The following NGF variants were observed in gnomAD, a reference collection of about 807,000 sequenced individuals.
The protein encoded by NGF is nerve growth factor, also known as beta-nerve growth factor.
A neutral mutation model predicts 12.8 loss-of-function variants in NGF; 4 were observed. That is an observed-to-expected ratio of 0.31 (90% CI 0.15 to 0.72). NGF has a LOEUF of 0.72. NGF is among the 30% of genes least tolerant of loss of function. The pLI is 0.69. For missense variants in NGF, 283 were observed against 330.8 expected (o/e 0.86, Z 1.12); for synonymous variants, 140 against 130.0 (o/e 1.08, Z -0.52).
chr1:115,295,489 G>A (rs927217174), intron 1 of NGF, among the ~76,000 whole-genome samples: 1 of 152,126 alleles, frequency 6.6e-6, no homozygotes, highest in African/African-American at 2.4e-5. Flanking sequence ...TGTCCCCAGG[G>A]TAAGAGGTGG....
intron 1 of NGF, among the ~76,000 whole-genome samples, chr1:115,330,984 C>A (rs141088364): frequency 3.0e-4 from 46 of 152,224 alleles, no homozygotes; most frequent in East Asian, 1.4e-3. Flanking sequence ...CGGGGAGAAG[C>A]AAGAAGAGGG....
At chr1:115,303,091 C>T (rs2101034656) in intron 1 of NGF, among the ~76,000 whole-genome samples, 1 of 152,136 alleles carries the variant, frequency 6.6e-6, no homozygotes, top group African/African-American at 2.4e-5. Flanking sequence ...TAAAAAACCC[C>T]AACAAACAAA....
intron 1 of NGF, among the ~76,000 whole-genome samples, chr1:115,337,380 G>T (rs1420274088): frequency 7.1e-6 from 1 of 141,058 alleles, no homozygotes; most frequent in South Asian, 2.3e-4. Context: ...CCTGACCCCT[G>T]AGTCCTCTCT....
intron 1 of NGF, among the ~76,000 whole-genome samples, chr1:115,314,189 T>G (rs1654409648): frequency 6.6e-6 from 1 of 152,228 alleles, no homozygotes; most frequent in African/African-American, 2.4e-5. Context: ...TACACGGTTC[T>G]GTGACACATG....
intron 1 of NGF, among the ~76,000 whole-genome samples, chr1:115,324,041 A>G (rs922562100): frequency 6.6e-5 from 10 of 152,144 alleles, no homozygotes; most frequent in African/African-American, 1.7e-4. Flanking sequence ...TGCTCGCTTC[A>G]TCTCCCTTAA....
chr1:115,287,506 G>A (rs1354831657), intron 2 of NGF, among the ~76,000 whole-genome samples: 1 of 152,182 alleles, frequency 6.6e-6, no homozygotes, highest in African/African-American at 2.4e-5. Context: ...TTTGTGTGAT[G>A]TTTTTAAAAT....
At chr1:115,313,378 A>G (rs1654386268) in intron 1 of NGF, among the ~76,000 whole-genome samples, 1 of 152,176 alleles carries the variant, frequency 6.6e-6, no homozygotes, top group South Asian at 2.1e-4. Flanking sequence ...GGGCTTGATG[A>G]ATTCTCAGCA....
At chr1:115,325,264 C>T (rs58749257) in intron 1 of NGF, among the ~76,000 whole-genome samples, 3,571 of 152,174 alleles carry the variant, frequency 0.023, 124 homozygotes, top group African/African-American at 0.082. Flanking sequence ...ACAACCACAA[C>T]GGGAGGAGCG....
At chr1:115,291,759 A>C (rs1288805144) in intron 2 of NGF, among the ~76,000 whole-genome samples, 1 of 152,214 alleles carries the variant, frequency 6.6e-6, no homozygotes, top group Admixed American at 6.5e-5. Context: ...CCTCACCTGA[A>C]TAGGTGATGG....
At chr1:115,325,088 G>A (rs1436574744) in intron 1 of NGF, among the ~76,000 whole-genome samples, 1 of 152,170 alleles carries the variant, frequency 6.6e-6, no homozygotes, top group African/African-American at 2.4e-5. Context: ...AGATTAGAAT[G>A]ATCAAGAGGT....
chr1:115,318,443 G>A (rs908404486), intron 1 of NGF, among the ~76,000 whole-genome samples: 2 of 152,208 alleles, frequency 1.3e-5, no homozygotes, highest in Non-Finnish European at 2.9e-5. Context: ...CCAAGGCAGT[G>A]TCAGGAAAAG....
intron 2 of NGF, among the ~76,000 whole-genome samples, chr1:115,292,054 AG>A (rs1653718975): frequency 6.6e-6 from 1 of 152,090 alleles, no homozygotes; most frequent in Non-Finnish European, 1.5e-5. Flanking sequence ...GAGTGGGCCA[AG>A]GGTCATTTCT....
At chr1:115,326,781 CA>C (rs1280081752) in intron 1 of NGF, among the ~76,000 whole-genome samples, 21 of 152,184 alleles carry the variant, frequency 1.4e-4, no homozygotes, top group African/African-American at 4.8e-4. Context: ...CCAGAACCAG[CA>C]CGAGCACCTG....
chr1:115,316,767 G>A (rs1654484403), intron 1 of NGF, among the ~76,000 whole-genome samples: 1 of 152,036 alleles, frequency 6.6e-6, no homozygotes, highest in African/African-American at 2.4e-5. Context: ...TGCTTATCTA[G>A]AATTTTAAGA....
chr1:115,335,093 A>C (rs1180921863), intron 1 of NGF, among the ~76,000 whole-genome samples: 1 of 152,184 alleles, frequency 6.6e-6, no homozygotes, highest in Non-Finnish European at 1.5e-5. Flanking sequence ...GAGCAATGAA[A>C]ACATCACGAA....
intron 1 of NGF, among the ~76,000 whole-genome samples, chr1:115,333,693 C>CT (rs1203395146): frequency 3.3e-4 from 21 of 63,104 alleles, no homozygotes; most frequent in African/African-American, 1.8e-3. Context: ...TTCTTTCTTT[C>CT]TTTCTTTCTT....
intron 1 of NGF, among the ~76,000 whole-genome samples, chr1:115,332,886 C>G (rs1444746037): frequency 1.3e-5 from 2 of 152,184 alleles, no homozygotes; most frequent in Non-Finnish European, 2.9e-5. Flanking sequence ...TGGCATCACT[C>G]ATACACAATG....
intron 1 of NGF, among the ~76,000 whole-genome samples, chr1:115,296,593 C>T (rs1223254989): frequency 6.6e-6 from 1 of 152,204 alleles, no homozygotes; most frequent in African/African-American, 2.4e-5. Flanking sequence ...GCCAGGGTCT[C>T]CTGCCAATCT....
rs58345237 is a variant in NGF, at chr1:115,304,329, A to ATTTTTTTTTTTTTTTTTTTT, written c.-136-10580_-136-10579insAAAAAAAAAAAAAAAAAAAA. Among the ~76,000 whole-genome samples the ATTTTTTTTTTTTTTTTTTTT allele has an allele frequency of 1.0e-3, 81 of 80,800 alleles. 11 individuals carry two copies. The highest frequency in any genetic ancestry group is 2.0e-3 in the East Asian group (6 of 2,976). The allele number at this position is 80,800 out of a possible 152,430, so 53.0% of individuals were successfully genotyped here. On this transcript the variant is annotated intron_variant, in intron 1 of 2. Coordinates refer to ENST00000369512, the MANE Select transcript of NGF (RefSeq NM_002506.3). ...AGGAGCGCACCACCATGCTTGGCTA[A>ATTTTTTTTTTTTTTTTTTTT]TTTTTTTTTTTTTTTTGTATTTTTA...
Sources: allele counts gnomAD v4.1 joint callset (sites outside exome capture counted in the v4.1 genomes callset), GRCh38; gene constraint gnomAD v4.1.1; transcripts MANE v1.5; gene names NCBI Gene and HGNC (gene_info 2026-07-23, HGNC 2026-07-21).